EML6: variants seen among roughly 807,000 people sequenced by gnomAD.
The protein encoded by EML6 is EMAP like 6.
A neutral mutation model predicts 240.1 loss-of-function variants in EML6; 154 were observed. That is an observed-to-expected ratio of 0.64 (90% confidence interval 0.56 to 0.73). EML6 has a LOEUF of 0.73. EML6 is among the 30% of genes least tolerant of loss of function. The pLI, the probability that EML6 is intolerant of heterozygous loss-of-function variation, is 0.00. For synonymous variants in EML6, 1,148 were observed against 899.0 expected, an observed-to-expected ratio of 1.28 and a Z score of -4.95; for missense variants, 2,964 against 2,474.6, an observed-to-expected ratio of 1.20 and a Z score of -4.20.
chr2:54,851,826 C>G (rs927388153), intron 10 of EML6, among the ~76,000 whole-genome samples: 1 of 152,122 alleles, frequency 6.6e-6, no homozygotes, highest in East Asian at 1.9e-4. Flanking sequence ...AATTCTGCAG[C>G]AGGGTTAGAA....
intron 7 of EML6, among the ~76,000 whole-genome samples, chr2:54,833,851 A>T (rs1668997864): frequency 6.6e-6 from 1 of 152,224 alleles, no homozygotes; most frequent in South Asian, 2.1e-4. Context: ...TCAAAGCCAA[A>T]AGGTTCAGAA....
chr2:54,892,777 T>C, intron 19 of EML6, 121 bp downstream of exon 19: 1 of 701,206 alleles, frequency 1.4e-6, no homozygotes, highest in Non-Finnish European at 2.3e-6. Context: ...AGGAAGTAGT[T>C]GTCATAAAGC....
intron 6 of EML6, 39 bp downstream of exon 6, chr2:54,827,790 A>G: frequency 1.4e-6 from 2 of 1,454,682 alleles, no homozygotes; most frequent in Non-Finnish European, 1.9e-6. Context: ...GTGACCTACC[A>G]AATAAGGTAA....
chr2:54,805,447 G>C (rs1012813242), intron 2 of EML6, among the ~76,000 whole-genome samples: 5 of 152,160 alleles, frequency 3.3e-5, no homozygotes, highest in Admixed American at 6.5e-5. Flanking sequence ...GTTGCCCTGT[G>C]TCTTTAGCAA....
intron 2 of EML6, among the ~76,000 whole-genome samples, chr2:54,752,309 T>C (rs921324754): frequency 1.3e-5 from 2 of 152,234 alleles, no homozygotes; most frequent in Admixed American, 6.5e-5. Flanking sequence ...AACTTCTTAA[T>C]TGAAATATAA....
Position 54,957,777 on chromosome 2 carries a change from G to C in EML6, c.4487-13G>C, listed in dbSNP as rs1426788260. On this transcript the variant is annotated splice_polypyrimidine_tract_variant and intron_variant, in intron 32 of 41. Transcript: ENST00000356458. The stretch of plus-strand genomic sequence containing the variant: ...GCAATGAGGAGCCTCACTGGACTCT[G>C]TCACCCACACAGGTGCCAAGGTTGC... 3 of 1,549,522 alleles carry C rather than the reference G, an allele frequency of 1.9e-6. No homozygotes were observed. The highest frequency in any genetic ancestry group is 2.6e-6 in the Non-Finnish European group (3 of 1,146,862).
At chr2:54,857,557 A>C (rs1420516466) in intron 11 of EML6, among the ~76,000 whole-genome samples, 1 of 152,206 alleles carries the variant, frequency 6.6e-6, no homozygotes, top group South Asian at 2.1e-4. Flanking sequence ...TATACAAGAA[A>C]ATATAAACAT....
rs368822189 is a variant in EML6, at chr2:54,813,337, T to C, written c.303T>C (p.Leu101=). The C allele has an allele frequency of 7.7e-6, 12 of 1,551,588 alleles. No homozygotes were observed. Among genetic ancestry groups the C allele is most frequent in the African/African-American group, 1.4e-5 (1 of 73,052 alleles). The change falls in exon 3 of 42, where the codon CTT becomes CTC. Residue 101 remains leucine, a synonymous_variant. Transcript: ENST00000356458. ...ATAATGTCCAGACTGTGTCTCTTCT[T>C]AAAGATGTCCATACACATGGAGTTG... ...DSYNVQTVSL[L]KDVHTHGVAC... is the part of the protein sequence containing the mutation.
At chr2:54,961,184 G>GTTGTTTTTTTTTTTTTTTGTTTTTT in intron 35 of EML6, among the ~76,000 whole-genome samples, 1 of 55,424 alleles carries the variant, frequency 1.8e-5, no homozygotes, top group Non-Finnish European at 3.2e-5. Flanking sequence ...TCAGGAAGTA[G>GTTGTTTTTTTTTTTTTTTGTTTTTT]TTTTTTTTTT....
chr2:54,838,923 G>T (rs927631695), intron 7 of EML6, among the ~76,000 whole-genome samples: 15 of 152,232 alleles, frequency 9.9e-5, no homozygotes, highest in Non-Finnish European at 1.9e-4. Flanking sequence ...TTTAAATAAT[G>T]AGGATGGTTT....
intron 13 of EML6, among the ~76,000 whole-genome samples, chr2:54,864,681 A>G (rs936003567): frequency 1.6e-4 from 24 of 152,230 alleles, no homozygotes; most frequent in Non-Finnish European, 3.2e-4. Context: ...ATATAGGCCT[A>G]TGGCAGCTAC....
intron 2 of EML6, among the ~76,000 whole-genome samples, chr2:54,788,624 T>G (rs934939740): frequency 1.3e-5 from 2 of 152,190 alleles, no homozygotes; most frequent in Non-Finnish European, 2.9e-5. Flanking sequence ...CAAACAAGAT[T>G]TCGCCAAAAT....
intron 11 of EML6, among the ~76,000 whole-genome samples, chr2:54,859,261 A>G (rs956398970): frequency 3.9e-5 from 6 of 152,230 alleles, no homozygotes; most frequent in Admixed American, 2.0e-4. Context: ...TATTTTCAGA[A>G]TCAGTGAAGC....
At chr2:54,840,848 T>C (rs1376958942) in intron 7 of EML6, among the ~76,000 whole-genome samples, 2 of 152,330 alleles carry the variant, frequency 1.3e-5, no homozygotes, top group Non-Finnish European at 2.9e-5. Flanking sequence ...AAAAGTAGAT[T>C]ATTTGTTTTT....
chr2:54,837,012 T>G (rs1170476779), intron 7 of EML6, among the ~76,000 whole-genome samples: 3 of 151,622 alleles, frequency 2.0e-5, no homozygotes, highest in Non-Finnish European at 2.9e-5. Context: ...GGGCGGGGGG[T>G]TTTGAAGATC....
chr2:54,751,697 C>T (rs542250276), intron 2 of EML6, among the ~76,000 whole-genome samples: 1 of 152,264 alleles, frequency 6.6e-6, no homozygotes, highest in East Asian at 1.9e-4. Flanking sequence ...TTAGACAGAA[C>T]ATGTTATTCC....
chr2:54,739,103 T>C (rs958069176), intron 2 of EML6, among the ~76,000 whole-genome samples: 15 of 152,222 alleles, frequency 9.9e-5, no homozygotes, highest in African/African-American at 3.6e-4. Context: ...TTCTCATGTA[T>C]AAAGTAAAAT....
chr2:54,853,660 A>C lies in EML6; in HGVS notation c.1462A>C (p.Ser488Arg), dbSNP rs1004116037. Residue 488 changes from serine to arginine, a missense_variant, in exon 11 of 42, where the codon AGT (serine) becomes CGT (arginine). Transcript: ENST00000356458. ...ATTTTCAGCTGGGAAGCCTTTAACA[A>C]GTAAAGAAGAAATTAAAGGGATTCC... is the stretch of plus-strand genomic sequence containing the variant. ...YRMPSGKPLTSKEEIKGIPWA... is the reference protein window; with the variant it reads ...YRMPSGKPLTRKEEIKGIPWA... The C allele has an allele frequency of 9.7e-6, 15 of 1,544,112 alleles. No individual in the cohort carries two copies. The highest frequency in any genetic ancestry group is 7.4e-5 in the East Asian group (3 of 40,804).
chr2:54,861,197 C>T (rs1011743183), intron 12 of EML6, among the ~76,000 whole-genome samples: 1 of 152,170 alleles, frequency 6.6e-6, no homozygotes, highest in Non-Finnish European at 1.5e-5. Flanking sequence ...TGCTCTGGCT[C>T]GCCCCAGTGA....
Sources: allele counts gnomAD v4.1 joint callset (sites outside exome capture counted in the v4.1 genomes callset), GRCh38; gene constraint gnomAD v4.1.1; transcripts MANE v1.5; gene names NCBI Gene and HGNC (gene_info 2026-07-23, HGNC 2026-07-21).